LOXHD1: variants seen among roughly 807,000 people sequenced by gnomAD.
LOXHD1 encodes lipoxygenase homology domain-containing protein 1.
Under a neutral mutation model 248.2 loss-of-function variants are expected in LOXHD1, and 205 were observed. That is an observed-to-expected ratio of 0.83 (90% CI 0.74 to 0.93). The LOEUF is 0.93. Among genes scored for constraint, LOXHD1 ranks in the 40% least tolerant of loss-of-function variants. The probability of loss-of-function intolerance (pLI) is 0.00; values close to 1 mark genes in which losing one functional copy is unlikely to be tolerated. For synonymous variants in LOXHD1, 1,113 were observed against 1,162.8 expected, an observed-to-expected ratio of 0.96 and a Z score of 0.87; for missense variants, 2,930 against 2,971.6, an observed-to-expected ratio of 0.99 and a Z score of 0.33.
chr18:46,507,002 G>A (rs2034615538), intron 36 of LOXHD1, among the ~76,000 whole-genome samples: 1 of 152,184 alleles, frequency 6.6e-6, no homozygotes, highest in Non-Finnish European at 1.5e-5. Context: ...TCCTCTGGGT[G>A]CCCTGTCTGC....
chr18:46,631,290 A>G (rs770943018), intron 4 of LOXHD1, among the ~76,000 whole-genome samples: 2 of 152,144 alleles, frequency 1.3e-5, no homozygotes, highest in Admixed American at 1.3e-4. Context: ...TATCCATCTC[A>G]AAACACCTGA....
chr18:46,601,543 T>G, intron 7 of LOXHD1, 76 bp from the exon 8 acceptor site: 1 of 1,541,254 alleles, frequency 6.5e-7, no homozygotes, highest in Non-Finnish European at 8.8e-7. Context: ...CTCCCCTTCC[T>G]GGTTACAACA....
chr18:46,587,155 C>T (rs138784556), intron 12 of LOXHD1, among the ~76,000 whole-genome samples: 40 of 152,320 alleles, frequency 2.6e-4, no homozygotes, highest in African/African-American at 8.2e-4. Flanking sequence ...CTAATCAACT[C>T]GTTTAAAATT....
intron 4 of LOXHD1, among the ~76,000 whole-genome samples, chr18:46,633,996 A>T (rs1020392097): frequency 2.0e-5 from 3 of 152,232 alleles, no homozygotes; most frequent in Admixed American, 1.3e-4. Context: ...CATTGCTGGT[A>T]GGAATGTAAA....
intron 34 of LOXHD1, among the ~76,000 whole-genome samples, chr18:46,514,348 CTCT>C (rs1568121550): frequency 6.6e-6 from 1 of 152,160 alleles, no homozygotes; most frequent in African/African-American, 2.4e-5. Context: ...GCTTTCCTTC[CTCT>C]TCTCTCAGAC....
At chr18:46,593,874 C>A in intron 9 of LOXHD1, 114 bp from the exon 10 acceptor site, 1 of 1,072,916 alleles carries the variant, frequency 9.3e-7, no homozygotes, top group South Asian at 1.6e-5. Context: ...GGGGTATACA[C>A]AGGTGTGTCC....
At chr18:46,622,318 A>C (rs1234186670) in intron 4 of LOXHD1, among the ~76,000 whole-genome samples, 1 of 152,216 alleles carries the variant, frequency 6.6e-6, no homozygotes, top group Non-Finnish European at 1.5e-5. Flanking sequence ...CTACAGTAAG[A>C]CTTTATTTAT....
chr18:46,529,593 C>T (rs900807204), intron 28 of LOXHD1, among the ~76,000 whole-genome samples: 2 of 152,178 alleles, frequency 1.3e-5, no homozygotes, highest in Non-Finnish European at 2.9e-5. Flanking sequence ...TAGCACCCCT[C>T]AAACGATCTA....
chr18:46,594,699 T>G (rs541952180), intron 8 of LOXHD1, among the ~76,000 whole-genome samples: 55 of 152,312 alleles, frequency 3.6e-4, no homozygotes, highest in Admixed American at 1.4e-3. Context: ...AATCTCAAAC[T>G]TTTCCTCTAT....
chr18:46,638,341 A>G lies in LOXHD1; in HGVS notation c.511+1275T>C, dbSNP rs557399345. Among the ~76,000 whole-genome samples the G allele has an allele frequency of 2.6e-5, 4 of 152,362 alleles. No individual in the cohort carries two copies. In the East Asian group the frequency reaches 7.7e-4, roughly 29 times the overall value. On this transcript the variant is annotated intron_variant, in intron 4 of 40. Coordinates refer to ENST00000642948, the MANE Select transcript of LOXHD1 (RefSeq NM_001384474.1). ...AAAAGATCAATAATGTGTTTTAAAA[A>G]GAATCAATGGCCGGGCACGGTGGCT...
chr18:46,644,337 C>T (rs184224983), intron 2 of LOXHD1, among the ~76,000 whole-genome samples: 4 of 152,332 alleles, frequency 2.6e-5, no homozygotes, highest in Non-Finnish European at 5.9e-5. Flanking sequence ...TTCTGGGGTG[C>T]TTCTGATGAA....
chr18:46,633,830 AAAG>A lies in LOXHD1; in HGVS notation c.511+5783_511+5785del, dbSNP rs1472986457. ...TGAAGGATTTGAATGGTTATTCTCC[AAAG>A]AAGATATGCAAATTACCAATAAGCA... On this transcript the variant is annotated intron_variant, in intron 4 of 40. Coordinates refer to ENST00000642948, the MANE Select transcript of LOXHD1 (RefSeq NM_001384474.1). 3.3e-5 allele frequency among the ~76,000 whole-genome samples: 5 copies of A among 152,362 alleles called. No individual in the cohort carries two copies. The East Asian group carries it at 7.7e-4, about 23-fold the overall frequency.
At chr18:46,655,390 G>A (rs529427277) in intron 1 of LOXHD1, among the ~76,000 whole-genome samples, 13 of 152,334 alleles carry the variant, frequency 8.5e-5, no homozygotes, top group African/African-American at 1.9e-4. Flanking sequence ...GAGGCATGCA[G>A]AGCCCGTAAA....
chr18:46,549,162 G>A (rs2036978097), intron 21 of LOXHD1, among the ~76,000 whole-genome samples: 1 of 152,158 alleles, frequency 6.6e-6, no homozygotes, highest in Non-Finnish European at 1.5e-5. Context: ...GACCAGGCAG[G>A]GGTTTTTTAG....
intron 40 of LOXHD1, among the ~76,000 whole-genome samples, chr18:46,482,306 G>A (rs1444348276): frequency 6.6e-6 from 1 of 152,026 alleles, no homozygotes; most frequent in Non-Finnish European, 1.5e-5. Flanking sequence ...AGATAATTAG[G>A]TTTAGATAAG....
chr18:46,531,239 C>G (rs1029716618), intron 28 of LOXHD1, among the ~76,000 whole-genome samples: 2 of 152,068 alleles, frequency 1.3e-5, no homozygotes, highest in African/African-American at 4.8e-5. Flanking sequence ...CCACCCCACT[C>G]TGCCCCACTC....
rs1412158249 is a variant in LOXHD1 at position 46,524,896 on chromosome 18, C to A, written c.4552G>T (p.Ala1518Ser). The A allele has an allele frequency of 2.6e-6, 4 of 1,551,610 alleles. No homozygotes were observed. The highest frequency in any genetic ancestry group is 2.4e-5 in the East Asian group (1 of 40,930). Residue 1518 changes from alanine (A) to serine (S), a missense_variant, in exon 30 of 41, where the codon GCC (alanine) becomes TCC (serine). Coordinates refer to ENST00000642948, the MANE Select transcript of LOXHD1 (RefSeq NM_001384474.1). ...RGTADTFIIEAADLGVIYKIK... is the reference protein window; with the variant it reads ...RGTADTFIIESADLGVIYKIK... ...TTGTAGATGACGCCTAGGTCAGCGG[C>A]CTCGATGATGAAGGTGTCAGCCTGG...
At position 46,584,234 on chromosome 18, in the gene LOXHD1, G is replaced by C. The variant is rs183757016; in HGVS notation, c.1655-4450C>G. 1.8e-3 allele frequency among the ~76,000 whole-genome samples: 273 copies of C among 152,148 alleles called. 1 individual carries two copies. The highest frequency in any genetic ancestry group is 6.3e-3 in the African/African-American group (262 of 41,564). Reference sequence around the variant, plus strand: ...AGTTACAAGAGACTGGGGAAAGGAGGGGGGAGGAGAGGATGGGGAGAAGTT... The same window carrying C: ...AGTTACAAGAGACTGGGGAAAGGAGCGGGGAGGAGAGGATGGGGAGAAGTT... On this transcript the variant is annotated intron_variant, in intron 12 of 40. Coordinates refer to ENST00000642948, the MANE Select transcript of LOXHD1 (RefSeq NM_001384474.1).
intron 2 of LOXHD1, among the ~76,000 whole-genome samples, chr18:46,644,489 A>G (rs896387228): frequency 3.3e-5 from 5 of 152,210 alleles, no homozygotes; most frequent in Non-Finnish European, 7.3e-5. Flanking sequence ...AGGCCAAGGC[A>G]GGAGAATCAT....
Sources: gnomAD v4.1 joint callset for allele counts (sites outside exome capture counted in the v4.1 genomes callset) on GRCh38, gnomAD v4.1.1 for gene constraint, MANE v1.5 for transcripts, NCBI Gene and HGNC (gene_info 2026-07-23, HGNC 2026-07-21) for gene names.